Variants in VTCN1 observed in about 807,000 individuals in gnomAD.
VTCN1 encodes V-set domain-containing T-cell activation inhibitor 1.
Under a neutral mutation model 26.5 loss-of-function variants are expected in VTCN1, and 26 were observed. The ratio of observed to expected loss-of-function variants is 0.98; its 90% CI spans 0.72 to 1.36. VTCN1 has a LOEUF of 1.36. VTCN1 is among the 40% of genes most tolerant of loss of function. The probability of loss-of-function intolerance (pLI) is 0.00; values close to 1 mark genes in which losing one functional copy is unlikely to be tolerated. For missense variants in VTCN1, 298 were observed against 337.7 expected (o/e 0.88, Z 0.92); for synonymous variants, 116 against 130.7 (o/e 0.89, Z 0.77).
rs898125555 is a variant in VTCN1 at position 117,207,951 on chromosome 1, C to T, written c.32+2873G>A. Among the ~76,000 whole-genome samples, 5 of 152,188 alleles carry T rather than the reference C, an allele frequency of 3.3e-5. No individual in the cohort carries two copies. In the South Asian group the frequency reaches 1.0e-3, roughly 31 times the overall value. ...TACTCTGACCACAACTGTTTCCCAA[C>T]TCTTCTTCTGGCCTCCAGGCTTGCT... is the stretch of plus-strand genomic sequence containing the variant. On this transcript the variant is annotated intron_variant, in intron 1 of 5. Transcript: ENST00000369458.
chr1:117,193,042 ATT>A (rs1648323203), intron 1 of VTCN1, among the ~76,000 whole-genome samples: 1 of 152,178 alleles, frequency 6.6e-6, no homozygotes, highest in Non-Finnish European at 1.5e-5. Flanking sequence ...CATAACAACT[ATT>A]TACATAGCAT....
intron 2 of VTCN1, among the ~76,000 whole-genome samples, chr1:117,166,577 A>T (rs890539466): frequency 6.6e-6 from 1 of 151,526 alleles, no homozygotes; most frequent in African/African-American, 2.4e-5. Context: ...CACATGGTGA[A>T]ACCCTGTCCC....
At chr1:117,172,266 C>A (rs763213242) in intron 1 of VTCN1, 19 of 492,214 alleles carry the variant, frequency 3.9e-5, no homozygotes, top group Non-Finnish European at 7.3e-5. Context: ...ATGGGCCCAC[C>A]AGACAGAAAC....
At chr1:117,197,572 C>T (rs1349356459) in intron 1 of VTCN1, among the ~76,000 whole-genome samples, 1 of 152,154 alleles carries the variant, frequency 6.6e-6, no homozygotes, top group East Asian at 1.9e-4. Flanking sequence ...ATAGGGCGTA[C>T]ACCAAGTAAC....
intron 2 of VTCN1, among the ~76,000 whole-genome samples, chr1:117,165,579 C>T (rs537981117): frequency 6.6e-6 from 1 of 152,252 alleles, no homozygotes; most frequent in South Asian, 2.1e-4. Flanking sequence ...CACTCTCTCT[C>T]CCTCTTGCTC....
In VTCN1 at chr1:117,161,852, A is replaced by C. The variant is rs189567176; in HGVS notation, c.98-4931T>G. ...AAAGGTAAATTTGATGGTTGTTGATAAAGTGCCATTAAAGTTGAATTGAAA... is the reference window on the plus strand; with the variant it reads ...AAAGGTAAATTTGATGGTTGTTGATCAAGTGCCATTAAAGTTGAATTGAAA... On this transcript the variant is annotated intron_variant, in intron 2 of 5. Coordinates refer to ENST00000369458, the MANE Select transcript of VTCN1 (RefSeq NM_024626.4). The surrounding 1 kb of genome is among the most constrained non-coding windows in gnomAD (Gnocchi z 4.3). Among the ~76,000 whole-genome samples the C allele has an allele frequency of 2.0e-5, 3 of 152,378 alleles. No homozygotes were observed. The highest frequency in any genetic ancestry group is 4.4e-5 in the Non-Finnish European group (3 of 68,038).
chr1:117,210,628 C>A (rs956168185), intron 1 of VTCN1, among the ~76,000 whole-genome samples, 196 bp downstream of exon 1: 3 of 152,238 alleles, frequency 2.0e-5, no homozygotes, highest in Non-Finnish European at 4.4e-5. Context: ...TGAACAGGTG[C>A]CTTGAGCAGC....
chr1:117,153,316 G>A lies in VTCN1; in HGVS notation c.499C>T (p.Arg167Trp), dbSNP rs142973937. 48 of 1,613,848 alleles carry A rather than the reference G, an allele frequency of 3.0e-5. No homozygotes were observed. Among genetic ancestry groups the A allele is most frequent in the Non-Finnish European group, 3.5e-5 (41 of 1,179,916 alleles). ...VDYNASSETL[R>W]CEAPRWFPQP... ...GGGAACCATCGGGGAGCCTCACACCGCAAGGTCTCTGAGCTGGCATTATAG... is the reference window on the plus strand; with the variant it reads ...GGGAACCATCGGGGAGCCTCACACCACAAGGTCTCTGAGCTGGCATTATAG... The change falls in exon 4 of 6, where the codon CGG becomes TGG. Residue 167 changes from arginine (R) to tryptophan (W), a missense_variant. By Grantham distance (101) the Arg-to-Trp change is moderately radical (BLOSUM62 -3). Coordinates refer to ENST00000369458, the MANE Select transcript of VTCN1 (RefSeq NM_024626.4).
intron 1 of VTCN1, among the ~76,000 whole-genome samples, chr1:117,189,577 A>T (rs1259883474): frequency 6.7e-6 from 1 of 149,842 alleles, no homozygotes; most frequent in African/African-American, 2.6e-5. Context: ...AATAACTCTC[A>T]TCTTTAGCTT....
intron 1 of VTCN1, among the ~76,000 whole-genome samples, chr1:117,201,980 A>T (rs1648812410): frequency 1.3e-5 from 2 of 152,130 alleles, no homozygotes; most frequent in African/African-American, 2.4e-5. Flanking sequence ...AGGGCTTTCC[A>T]CCAGGACCTG....
At position 117,183,340 on chromosome 1, in the gene VTCN1, T is replaced by C. The variant is rs895972914; in HGVS notation, c.33-13169A>G. On this transcript the variant is annotated intron_variant, in intron 1 of 5. Coordinates refer to ENST00000369458, the MANE Select transcript of VTCN1 (RefSeq NM_024626.4). This position sits in a 1 kb window ranked among gnomAD's most constrained non-coding sequence, Gnocchi z 4.1. ...TGCTTCCCTTGGAGCGTCTAGCACA[T>C]AGTCTTTAAAATATGTTGAATTAAT... Among the ~76,000 whole-genome samples the C allele has an allele frequency of 6.6e-6, 1 of 152,220 alleles. No homozygotes were observed. The highest frequency in any genetic ancestry group is 2.4e-5 in the African/African-American group (1 of 41,468).
At chr1:117,201,091 A>G (rs1648764597) in intron 1 of VTCN1, among the ~76,000 whole-genome samples, 1 of 152,206 alleles carries the variant, frequency 6.6e-6, no homozygotes, top group Admixed American at 6.5e-5. Flanking sequence ...AATTCTATAC[A>G]TTTATAATGG....
At position 117,210,707 on chromosome 1, in the gene VTCN1, G is replaced by C. The variant is rs1050495758; in HGVS notation, c.32+117C>G. On this transcript the variant is annotated intron_variant, in intron 1 of 5. Coordinates refer to ENST00000369458, the MANE Select transcript of VTCN1 (RefSeq NM_024626.4). The stretch of plus-strand genomic sequence containing the variant: ...CCAGGCTCCCGCTGGCCCAATGCTG[G>C]ATCAGATAAAATTACAGGTGGGGTC... 35 of 1,129,264 alleles carry C rather than the reference G, an allele frequency of 3.1e-5. No homozygotes were observed. In the African/African-American group the frequency reaches 4.6e-4, roughly 15 times the overall value. 70.0% of individuals were successfully genotyped at this position (1,129,264 alleles called of 1,614,324 possible).
chr1:117,162,077 C>A (rs1272469202), intron 2 of VTCN1, among the ~76,000 whole-genome samples: 3 of 152,110 alleles, frequency 2.0e-5, no homozygotes, highest in African/African-American at 7.2e-5. Context: ...CCCTAGGGAC[C>A]TGCTGCAGGT....
intron 1 of VTCN1, among the ~76,000 whole-genome samples, chr1:117,201,976 T>C (rs191215250): frequency 6.6e-6 from 1 of 152,306 alleles, no homozygotes; most frequent in East Asian, 1.9e-4. Flanking sequence ...CCTCAGGGCT[T>C]TCCACCAGGA....
Position 117,147,835 on chromosome 1 carries a change from C to G in VTCN1, c.725-53G>C. 2 of 1,574,692 alleles carry G rather than the reference C, an allele frequency of 1.3e-6. No homozygotes were observed. The highest frequency in any genetic ancestry group is 1.7e-6 in the Non-Finnish European group (2 of 1,164,474). ...TCATACAGGAGAAGCTGGATGTCTT[C>G]TTCACATGACTGGTTAGCAAAGAAA... On this transcript the variant is annotated intron_variant, in intron 4 of 5. Transcript: ENST00000369458. The surrounding 1 kb of genome is among the most constrained non-coding windows in gnomAD (Gnocchi z 4.6).
chr1:117,209,794 C>T (rs1036574659), intron 1 of VTCN1, among the ~76,000 whole-genome samples: 5 of 152,214 alleles, frequency 3.3e-5, no homozygotes, highest in Non-Finnish European at 5.9e-5. Context: ...TTCAGATAAA[C>T]GTGAGTCGAG....
intron 2 of VTCN1, among the ~76,000 whole-genome samples, chr1:117,163,149 G>A (rs548331713): frequency 1.6e-4 from 25 of 152,202 alleles, no homozygotes; most frequent in African/African-American, 4.6e-4. Flanking sequence ...AGTTGCTTCC[G>A]TGAGAAGAAA....
At chr1:117,154,036 G>A (rs1651937503) in intron 3 of VTCN1, among the ~76,000 whole-genome samples, 1 of 152,290 alleles carries the variant, frequency 6.6e-6, no homozygotes, top group South Asian at 2.1e-4. Flanking sequence ...AAATGTTTAA[G>A]CCTGGACTTT....
Sources: allele counts gnomAD v4.1 joint callset (sites outside exome capture counted in the v4.1 genomes callset), GRCh38; gene constraint gnomAD v4.1.1; non-coding constraint Gnocchi (gnomAD v3.1); transcripts MANE v1.5; gene names NCBI Gene and HGNC (gene_info 2026-07-23, HGNC 2026-07-21).